PLXNA2: variants seen among roughly 807,000 people sequenced by gnomAD.
The protein encoded by PLXNA2 is plexin A2.
A neutral mutation model predicts 193.5 loss-of-function variants in PLXNA2; 91 were observed. That is an observed-to-expected ratio of 0.47 (90% CI 0.40 to 0.56). The LOEUF (loss-of-function observed/expected upper bound fraction) is 0.56. Ranked by LOEUF, PLXNA2 falls within the 20% of genes least tolerant of loss-of-function variation. The probability of loss-of-function intolerance (pLI) is 0.00; values close to 1 mark genes in which losing one functional copy is unlikely to be tolerated. For missense variants in PLXNA2, 1,995 were observed against 2,503.2 expected (o/e 0.80, Z 4.33); for synonymous variants, 997 against 1,027.3 (o/e 0.97, Z 0.56).
chr1:208,108,241 C>A (rs1667337481), intron 4 of PLXNA2, among the ~76,000 whole-genome samples: 1 of 152,122 alleles, frequency 6.6e-6, no homozygotes, highest in South Asian at 2.1e-4. Flanking sequence ...TTATTAGAGG[C>A]AGTGGGGACA....
chr1:208,104,673 G>T (rs887858016), intron 4 of PLXNA2, among the ~76,000 whole-genome samples: 2 of 152,100 alleles, frequency 1.3e-5, no homozygotes, highest in Non-Finnish European at 2.9e-5. Context: ...TACAGTGGGT[G>T]GGAGGGGAGA....
At chr1:208,230,896 G>A (rs2102637121) in intron 1 of PLXNA2, among the ~76,000 whole-genome samples, 1 of 152,328 alleles carries the variant, frequency 6.6e-6, no homozygotes, top group African/African-American at 2.4e-5. Flanking sequence ...CAAGGGGAGT[G>A]CCATGGAGCT....
intron 1 of PLXNA2, among the ~76,000 whole-genome samples, chr1:208,218,374 G>A (rs956635366): frequency 7.2e-5 from 11 of 152,130 alleles, no homozygotes; most frequent in East Asian, 1.9e-4. Context: ...CTACCGGCAC[G>A]TCTTATCCCA....
rs747615198 is a variant in PLXNA2 at position 208,044,766 on chromosome 1, G to A, written c.3640-24C>T. Reference sequence around the variant, plus strand: ...ACCTGTGCATTGTACACATACAGACGCACATGGATGCACACAGGTGTAGAG... The same window carrying A: ...ACCTGTGCATTGTACACATACAGACACACATGGATGCACACAGGTGTAGAG... On this transcript the variant is annotated intron_variant, in intron 19 of 31. Transcript: ENST00000367033. This position sits in a 1 kb window ranked among gnomAD's most constrained non-coding sequence, Gnocchi z 4.9. 14 of 1,551,114 alleles carry A rather than the reference G, an allele frequency of 9.0e-6. No homozygotes were observed. The highest frequency in any genetic ancestry group is 3.4e-5 in the South Asian group (3 of 88,212).
intron 4 of PLXNA2, among the ~76,000 whole-genome samples, chr1:208,107,185 A>G (rs950533772): frequency 1.3e-5 from 2 of 152,338 alleles, no homozygotes; most frequent in African/African-American, 4.8e-5. Flanking sequence ...ATTACTGAAC[A>G]TGAAAATCCA....
intron 4 of PLXNA2, among the ~76,000 whole-genome samples, chr1:208,140,165 A>T (rs1287146489): frequency 1.3e-5 from 2 of 152,168 alleles, no homozygotes; most frequent in Non-Finnish European, 2.9e-5. Context: ...GGGTATTTAC[A>T]GATAAGCTGT....
At chr1:208,063,094 C>A (rs985550801) in intron 12 of PLXNA2, among the ~76,000 whole-genome samples, 6 of 152,194 alleles carry the variant, frequency 3.9e-5, no homozygotes, top group Non-Finnish European at 8.8e-5. Flanking sequence ...ACCCACCTAC[C>A]CAAAGGAACT....
At chr1:208,243,345 C>T (rs540420111) in intron 1 of PLXNA2, among the ~76,000 whole-genome samples, 310 of 152,196 alleles carry the variant, frequency 2.0e-3, no homozygotes, top group Middle Eastern at 0.014. Flanking sequence ...TGGAGGCGCG[C>T]CGCGGAGCGC....
chr1:208,179,562 G>A (rs72741233), intron 3 of PLXNA2, among the ~76,000 whole-genome samples: 7 of 152,194 alleles, frequency 4.6e-5, no homozygotes, highest in Non-Finnish European at 5.9e-5. Flanking sequence ...CAGACTACAC[G>A]TCAGCCCTAG....
In PLXNA2 at chr1:208,205,645, T is replaced by G. The variant is rs73079934; in HGVS notation, c.1371+4635A>C. Among the ~76,000 whole-genome samples, 812 of 152,340 alleles carry G rather than the reference T, an allele frequency of 5.3e-3. 4 individuals carry two copies. The highest frequency in any genetic ancestry group is 0.017 in the African/African-American group (717 of 41,570). On this transcript the variant is annotated intron_variant, in intron 3 of 31. Coordinates refer to ENST00000367033, the MANE Select transcript of PLXNA2 (RefSeq NM_025179.4). ...CAGTGGCAGTATCATTGAGAAGATC[T>G]GAGATTTGATGCAGGAATCCCCTTG... is the stretch of plus-strand genomic sequence containing the variant.
intron 4 of PLXNA2, among the ~76,000 whole-genome samples, chr1:208,116,016 T>C (rs1443242546): frequency 6.6e-6 from 1 of 152,196 alleles, no homozygotes; most frequent in Non-Finnish European, 1.5e-5. Flanking sequence ...AGGCTGACGT[T>C]TCCACTCCTG....
At chr1:208,117,520 G>A (rs1278993657) in intron 4 of PLXNA2, among the ~76,000 whole-genome samples, 4 of 152,180 alleles carry the variant, frequency 2.6e-5, no homozygotes, top group Non-Finnish European at 5.9e-5. Flanking sequence ...ACCCCACTGC[G>A]GACATCTGTA....
chr1:208,055,650 C>T (rs764963534), intron 13 of PLXNA2, among the ~76,000 whole-genome samples: 2 of 152,166 alleles, frequency 1.3e-5, no homozygotes, highest in Admixed American at 6.6e-5. Context: ...CCAGCATTAT[C>T]CTGGCACGGT....
At chr1:208,124,679 C>CAAAAAAA (rs34909092) in intron 4 of PLXNA2, among the ~76,000 whole-genome samples, 4 of 68,588 alleles carry the variant, frequency 5.8e-5, no homozygotes, top group Non-Finnish European at 7.9e-5. Context: ...AACTCCGTCT[C>CAAAAAAA]AAAAAAAAAA....
intron 12 of PLXNA2, among the ~76,000 whole-genome samples, chr1:208,073,723 A>T (rs939188854): frequency 2.0e-5 from 3 of 152,082 alleles, no homozygotes; most frequent in African/African-American, 7.2e-5. Flanking sequence ...TTAAAATGAG[A>T]TAATTAGAGT....
In PLXNA2 at chr1:208,042,167, T is replaced by C. The variant is rs1238874917; in HGVS notation, c.4217A>G (p.Lys1406Arg). Reference sequence around the variant, plus strand: ...ATCGATGAGGTCAGAGAGCAGCTGCTTGAGGACATCAGTGGCATATTCCAG... The same window carrying C: ...ATCGATGAGGTCAGAGAGCAGCTGCCTGAGGACATCAGTGGCATATTCCAG... ...GRLEYATDVL[K>R]QLLSDLIDKN... The change falls in exon 22 of 32, where the codon AAG becomes AGG. Residue 1406 changes from lysine (K) to arginine (R), a missense_variant. Physicochemically the swap from Lys to Arg is conservative, Grantham distance 26. Around this residue, in one of 3 missense-constraint regions of PLXNA2, gnomAD observed 1,291 missense variants for 1,673.6 expected, o/e 0.77. Coordinates refer to ENST00000367033, the MANE Select transcript of PLXNA2 (RefSeq NM_025179.4). 5 of 1,614,218 alleles carry C rather than the reference T, an allele frequency of 3.1e-6. No individual in the cohort carries two copies. In the East Asian group the frequency reaches 8.9e-5, roughly 29 times the overall value.
chr1:208,218,231 A>C, intron 1 of PLXNA2: 1 of 488,382 alleles, frequency 2.0e-6, no homozygotes, highest in Non-Finnish European at 3.6e-6. Flanking sequence ...TTTTTTTAAA[A>C]TTTTATTTTA....
chr1:208,075,587 C>T (rs183348244), intron 12 of PLXNA2, among the ~76,000 whole-genome samples: 14 of 152,256 alleles, frequency 9.2e-5, no homozygotes, highest in Middle Eastern at 3.4e-3. Flanking sequence ...ATGTAAATAT[C>T]CTATTTCTCA....
intron 5 of PLXNA2, among the ~76,000 whole-genome samples, chr1:208,101,627 G>A (rs1667099871): frequency 6.6e-6 from 1 of 152,182 alleles, no homozygotes; most frequent in Admixed American, 6.5e-5. Context: ...GGTGGTTTGC[G>A]GCAGCGGGGA....
Sources: allele counts gnomAD v4.1 joint callset (sites outside exome capture counted in the v4.1 genomes callset), GRCh38; gene constraint gnomAD v4.1.1; regional missense constraint gnomAD v4.1.1; non-coding constraint Gnocchi (gnomAD v3.1); transcripts MANE v1.5; gene names NCBI Gene and HGNC (gene_info 2026-07-23, HGNC 2026-07-21).